ARFGEF1: variants seen among roughly 807,000 people sequenced by gnomAD.
ARFGEF1 encodes the protein brefeldin A-inhibited guanine nucleotide-exchange protein 1.
ARFGEF1 carries 42 observed loss-of-function variants against 231.0 expected under a neutral mutation model. The observed-to-expected ratio is 0.18, with a 90% CI of 0.14 to 0.24. ARFGEF1 has a LOEUF of 0.24. Ranked by LOEUF, ARFGEF1 falls within the 10% of genes least tolerant of loss-of-function variation. The pLI is 1.00. For synonymous variants in ARFGEF1, 710 were observed against 732.3 expected, an observed-to-expected ratio of 0.97 and a Z score of 0.49; for missense variants, 1,345 against 2,192.0, an observed-to-expected ratio of 0.61 and a Z score of 7.72.
chr8:67,268,135 T>C (rs543436760), intron 10 of ARFGEF1, among the ~76,000 whole-genome samples: 7 of 152,310 alleles, frequency 4.6e-5, no homozygotes, highest in South Asian at 4.1e-4. Flanking sequence ...CATATTAACA[T>C]TTATGAAACA....
At chr8:67,242,486 C>A (rs1177564531) in intron 19 of ARFGEF1, among the ~76,000 whole-genome samples, 1 of 152,146 alleles carries the variant, frequency 6.6e-6, no homozygotes, top group Non-Finnish European at 1.5e-5. Flanking sequence ...AGGGAATGGC[C>A]CAGTCCTCAC....
At chr8:67,250,356 A>G (rs1408304938) in intron 19 of ARFGEF1, among the ~76,000 whole-genome samples, 1 of 152,194 alleles carries the variant, frequency 6.6e-6, no homozygotes. Context: ...TGGTAGCAGA[A>G]ATGGCACTGA....
chr8:67,175,348 TC>T, downstream of ARFGEF1: 1 of 1,613,858 alleles, frequency 6.2e-7, no homozygotes, highest in Non-Finnish European at 8.5e-7. Context: ...CTCCAAGAGA[TC>T]ATCACACCTT....
chr8:67,334,104 C>A (rs1014148329), intron 1 of ARFGEF1, among the ~76,000 whole-genome samples: 15 of 148,460 alleles, frequency 1.0e-4, no homozygotes, highest in Non-Finnish European at 1.6e-4. Context: ...CCACTGCACT[C>A]CAGCCTGAGC....
rs200067038 is a variant in ARFGEF1, at chr8:67,211,528, C to T, written c.4774G>A (p.Ala1592Thr). Reference protein sequence around the residue: ...DNRPQAPLVSASAVNEEVSKI... With the variant: ...DNRPQAPLVSTSAVNEEVSKI... ...CTGACTTCTTCATTAACAGCAGACGCAGAAACCAGTGGTGCTTGTGGTCTG... is the reference window on the plus strand; with the variant it reads ...CTGACTTCTTCATTAACAGCAGACGTAGAAACCAGTGGTGCTTGTGGTCTG... Residue 1592 changes from alanine to threonine, a missense_variant, in exon 34 of 39, where the codon GCG (alanine) becomes ACG (threonine). This residue lies in a region of ARFGEF1 where 89 missense variants were observed against 74.8 expected (regional missense o/e 1.19). Coordinates refer to ENST00000262215, the MANE Select transcript of ARFGEF1 (RefSeq NM_006421.5). 5.6e-6 allele frequency: 9 copies of T among 1,595,474 alleles called. No individual in the cohort carries two copies. The Admixed American group carries it at 8.8e-5, about 16-fold the overall frequency.
chr8:67,287,993 T>G lies in ARFGEF1; in HGVS notation c.989A>C (p.Gln330Pro). ...GTTCACCATTTCTTCTACAATGTTC[T>G]GTACAATGTCTTGTGGCTTTTCCTC... ...DCEEKPQDIV[Q>P]NIVEEMVNIV... The change falls in exon 7 of 39, where the codon CAG becomes CCG. Residue 330 changes from glutamine (Q) to proline (P), a missense_variant. Transcript: ENST00000262215. 1.2e-6 allele frequency: 2 copies of G among 1,605,086 alleles called. No individual in the cohort carries two copies. The highest frequency in any genetic ancestry group is 2.3e-5 in the East Asian group (1 of 44,418).
downstream of ARFGEF1, chr8:67,175,331 C>T (rs756807936): frequency 6.2e-7 from 1 of 1,613,138 alleles, no homozygotes; most frequent in South Asian, 1.1e-5. Flanking sequence ...ATTTATGTAC[C>T]TGGATCCTCC....
At chr8:67,333,755 A>G (rs1484819291) in intron 1 of ARFGEF1, among the ~76,000 whole-genome samples, 1 of 152,190 alleles carries the variant, frequency 6.6e-6, no homozygotes, top group African/African-American at 2.4e-5. Context: ...ACTGACATGA[A>G]GCCAGAAGTG....
intron 22 of ARFGEF1, among the ~76,000 whole-genome samples, chr8:67,234,780 C>A (rs1293174837): frequency 6.6e-6 from 1 of 151,962 alleles, no homozygotes. Context: ...GGAGAACATA[C>A]TGAAATAGGA....
chr8:67,227,279 C>G lies in ARFGEF1; in HGVS notation c.3774G>C (p.Arg1258=). ...GAGAATTAACCATCTGTGCTATACA[C>G]CGTACAACCATATCTCGAATTGTTG... ...RSPTIRDMVV[R]CIAQMVNSQA... is the part of the protein sequence containing the mutation. Residue 1258 remains arginine (R), a synonymous_variant, in exon 27 of 39, where the codon CGG becomes CGC. Transcript: ENST00000262215. The G allele has an allele frequency of 6.2e-7, 1 of 1,612,778 alleles. No homozygotes were observed. The highest frequency in any genetic ancestry group is 8.5e-7 in the Non-Finnish European group (1 of 1,179,158).
chr8:67,302,302 T>C lies in ARFGEF1; in HGVS notation c.155+134A>G, dbSNP rs1025082175. 1.5e-5 allele frequency: 7 copies of C among 456,882 alleles called. No homozygotes were observed. The Admixed American group carries it at 2.0e-4, about 13-fold the overall frequency. 28.3% of individuals were successfully genotyped at this position (456,882 alleles called of 1,614,324 possible). ...ATATAATTGTATTTCTTAAAACCTA[T>C]TTTTAAAGTTGATTTTACTATAAAA... On this transcript the variant is annotated intron_variant, in intron 2 of 38. Coordinates refer to ENST00000262215, the MANE Select transcript of ARFGEF1 (RefSeq NM_006421.5).
chr8:67,200,959 A>G (rs1239070447), intron 37 of ARFGEF1, among the ~76,000 whole-genome samples: 1 of 152,242 alleles, frequency 6.6e-6, no homozygotes, highest in Non-Finnish European at 1.5e-5. Flanking sequence ...AAATTCTAAA[A>G]TGTATTTAAT....
chr8:67,303,715 TAA>T (rs879264401), intron 1 of ARFGEF1, among the ~76,000 whole-genome samples: 13 of 142,894 alleles, frequency 9.1e-5, no homozygotes, highest in African/African-American at 1.3e-4. Context: ...CTCCATCTCT[TAA>T]AAAAAAAAAA....
chr8:67,178,619 G>A (rs1418783418), intron 5 of ARFGEF1, among the ~76,000 whole-genome samples: 2 of 152,166 alleles, frequency 1.3e-5, no homozygotes, highest in Non-Finnish European at 2.9e-5. Context: ...AGTGGGCATG[G>A]GGGCTCACTG....
At chr8:67,230,461 C>A (rs548949549) in intron 23 of ARFGEF1, among the ~76,000 whole-genome samples, 1 of 152,170 alleles carries the variant, frequency 6.6e-6, no homozygotes, top group South Asian at 2.1e-4. Context: ...ATGCAATACA[C>A]AAGCAGCCTA....
At chr8:67,234,563 G>A (rs1300802192) in intron 22 of ARFGEF1, among the ~76,000 whole-genome samples, 1 of 152,082 alleles carries the variant, frequency 6.6e-6, no homozygotes, top group Non-Finnish European at 1.5e-5. Context: ...TGGTAGTATA[G>A]CCATAATGAA....
chr8:67,297,946 G>A (rs1806311078), intron 4 of ARFGEF1, among the ~76,000 whole-genome samples: 1 of 151,854 alleles, frequency 6.6e-6, no homozygotes, highest in Admixed American at 6.6e-5. Flanking sequence ...GGGACCACAG[G>A]CACACATCAC....
intron 5 of ARFGEF1, among the ~76,000 whole-genome samples, chr8:67,180,927 C>T (rs1832858491): frequency 6.6e-6 from 1 of 151,906 alleles, no homozygotes; most frequent in African/African-American, 2.4e-5. Flanking sequence ...ATCCTAGGGC[C>T]ATCAGGGAAT....
intron 22 of ARFGEF1, 65 bp downstream of exon 22, chr8:67,238,278 T>C (rs2128878027): frequency 7.0e-7 from 1 of 1,422,274 alleles, no homozygotes; most frequent in African/African-American, 1.5e-5. Flanking sequence ...ATTTCATTAC[T>C]ACAATAAAGT....
Sources: gnomAD v4.1 joint callset for allele counts (sites outside exome capture counted in the v4.1 genomes callset) on GRCh38, gnomAD v4.1.1 for gene constraint, gnomAD v4.1.1 regional missense constraint, MANE v1.5 for transcripts, NCBI Gene and HGNC (gene_info 2026-07-23, HGNC 2026-07-21) for gene names.